The following RAB38 variants were observed in gnomAD, a reference collection of about 807,000 sequenced individuals.
The protein encoded by RAB38 is RAB38, member RAS oncogene family.
A neutral mutation model predicts 18.4 loss-of-function variants in RAB38; 15 were observed. That is an observed-to-expected ratio of 0.82 (90% CI 0.55 to 1.26). The LOEUF (loss-of-function observed/expected upper bound fraction) is 1.26, where lower values mean the gene tolerates loss of function less well. RAB38 is among the 50% of genes most tolerant of loss of function. The pLI, the probability that RAB38 is intolerant of heterozygous loss-of-function variation, is 0.00. For synonymous variants in RAB38, 101 were observed against 104.4 expected (o/e 0.97, Z 0.20); for missense variants, 294 against 267.4 (o/e 1.10, Z -0.69).
the RAB38 span, among the ~76,000 whole-genome samples, chr11:87,832,562 C>G: frequency 3.3e-5 from 5 of 152,158 alleles, no homozygotes; most frequent in Admixed American, 3.3e-4. Context: ...TCGCTGTCCA[C>G]TGGGGGCCTC....
the RAB38 span, among the ~76,000 whole-genome samples, chr11:87,861,610 C>T: frequency 6.6e-6 from 1 of 151,780 alleles, no homozygotes; most frequent in Non-Finnish European, 1.5e-5. Context: ...GTGATACTAT[C>T]TGATTATTAT....
chr11:88,142,756 G>A (rs747839101), intron 2 of RAB38, among the ~76,000 whole-genome samples: 9 of 152,216 alleles, frequency 5.9e-5, no homozygotes, highest in Non-Finnish European at 1.0e-4. Flanking sequence ...ATCCCATACA[G>A]CGTGACCAAC....
chr11:87,844,914 G>C, the RAB38 span, among the ~76,000 whole-genome samples: 1 of 152,146 alleles, frequency 6.6e-6, no homozygotes, highest in South Asian at 2.1e-4. Flanking sequence ...CACATGTGTG[G>C]GCACATTCAA....
the RAB38 span, among the ~76,000 whole-genome samples, chr11:87,874,508 G>T: frequency 6.6e-6 from 1 of 151,408 alleles, no homozygotes; most frequent in African/African-American, 2.4e-5. Flanking sequence ...GTGGGGTCGG[G>T]GGAGAGGGGA....
chr11:87,813,332 C>T, the RAB38 span, among the ~76,000 whole-genome samples: 1 of 152,218 alleles, frequency 6.6e-6, no homozygotes, highest in South Asian at 2.1e-4. Context: ...AAGAACTGTT[C>T]CAGGGCGAAA....
chr11:88,040,777 G>C, the RAB38 span, among the ~76,000 whole-genome samples: 1 of 152,130 alleles, frequency 6.6e-6, no homozygotes, highest in East Asian at 1.9e-4. Flanking sequence ...CACATTCTTA[G>C]GTGCCAGGCA....
the RAB38 span, among the ~76,000 whole-genome samples, chr11:87,939,169 A>G: frequency 6.6e-6 from 1 of 152,076 alleles, no homozygotes; most frequent in Non-Finnish European, 1.5e-5. Flanking sequence ...TTAAGTTGCT[A>G]GTTTTTAATT....
At chr11:87,849,227 C>G in the RAB38 span, among the ~76,000 whole-genome samples, 112 of 152,216 alleles carry the variant, frequency 7.4e-4, 1 homozygote, top group Non-Finnish European at 1.2e-3. Flanking sequence ...CTCATCTGAC[C>G]CAAGTTTCTT....
At chr11:87,941,214 G>GAGATATATAT in the RAB38 span, among the ~76,000 whole-genome samples, 2 of 62,536 alleles carry the variant, frequency 3.2e-5, no homozygotes, top group Non-Finnish European at 5.5e-5. Context: ...AAATATATGA[G>GAGATATATAT]ATATATATAT....
At chr11:87,952,452 T>C in the RAB38 span, among the ~76,000 whole-genome samples, 1 of 152,328 alleles carries the variant, frequency 6.6e-6, no homozygotes, top group East Asian at 1.9e-4. Flanking sequence ...TATTGGTATA[T>C]CCACATTCTC....
At chr11:87,966,644 GA>G in the RAB38 span, among the ~76,000 whole-genome samples, 1 of 152,148 alleles carries the variant, frequency 6.6e-6, no homozygotes, top group Admixed American at 6.6e-5. Flanking sequence ...ACAGGTCATA[GA>G]TTTTTGGACA....
the RAB38 span, among the ~76,000 whole-genome samples, chr11:87,941,754 AG>A: frequency 6.6e-6 from 1 of 152,204 alleles, no homozygotes; most frequent in Non-Finnish European, 1.5e-5. Context: ...AGGCTTATCA[AG>A]ACCAACTAAA....
the RAB38 span, among the ~76,000 whole-genome samples, chr11:87,823,757 T>C: frequency 2.6e-5 from 4 of 152,112 alleles, no homozygotes; most frequent in Admixed American, 6.6e-5. Context: ...TGCTCATCAA[T>C]AGATGAACCG....
At chr11:87,831,184 C>T in the RAB38 span, among the ~76,000 whole-genome samples, 1 of 152,114 alleles carries the variant, frequency 6.6e-6, no homozygotes, top group Non-Finnish European at 1.5e-5. Flanking sequence ...GAATCCAGCA[C>T]ATCAGACGCC....
the RAB38 span, among the ~76,000 whole-genome samples, chr11:88,003,948 G>A: frequency 8.6e-6 from 1 of 116,026 alleles, no homozygotes; most frequent in South Asian, 2.6e-4. Context: ...TATATAGAGA[G>A]ATATATATAT....
chr11:88,047,553 A>G, the RAB38 span, among the ~76,000 whole-genome samples: 5 of 152,192 alleles, frequency 3.3e-5, no homozygotes, highest in Non-Finnish European at 7.3e-5. Context: ...CAATATTTAT[A>G]CTGACTCTAA....
chr11:87,953,266 G>A, the RAB38 span, among the ~76,000 whole-genome samples: 8 of 152,176 alleles, frequency 5.3e-5, no homozygotes, highest in Non-Finnish European at 1.2e-4. Context: ...TGTAAAGGGG[G>A]TTGTAGGCAT....
chr11:87,913,081 T>C, the RAB38 span, among the ~76,000 whole-genome samples: 1 of 152,064 alleles, frequency 6.6e-6, no homozygotes, highest in East Asian at 1.9e-4. Flanking sequence ...TATTACTGAA[T>C]TTATTAAAAC....
At chr11:87,940,573 G>A in the RAB38 span, among the ~76,000 whole-genome samples, 1 of 151,844 alleles carries the variant, frequency 6.6e-6, no homozygotes, top group Non-Finnish European at 1.5e-5. Context: ...CACACACACA[G>A]AAATAGATAT....
Sources: gnomAD v4.1 joint callset for allele counts (sites outside exome capture counted in the v4.1 genomes callset) on GRCh38, gnomAD v4.1.1 for gene constraint, MANE v1.5 for transcripts, NCBI Gene and HGNC (gene_info 2026-07-23, HGNC 2026-07-21) for gene names.